Variants in PPP5C observed in about 807,000 individuals in gnomAD.
PPP5C encodes serine/threonine-protein phosphatase 5.
Under a neutral mutation model 66.7 loss-of-function variants are expected in PPP5C, and 21 were observed. That is an observed-to-expected ratio of 0.31 (90% CI 0.22 to 0.45). The LOEUF (loss-of-function observed/expected upper bound fraction) is 0.45. Ranked by LOEUF, PPP5C falls within the 20% of genes least tolerant of loss-of-function variation. PPP5C has a pLI of 1.00. For synonymous variants in PPP5C, 246 were observed against 257.4 expected (o/e 0.96, Z 0.43); for missense variants, 464 against 675.9 (o/e 0.69, Z 3.48).
chr19:46,357,187 A>G (rs143266825), intron 2 of PPP5C, among the ~76,000 whole-genome samples: 2 of 152,328 alleles, frequency 1.3e-5, no homozygotes, highest in Non-Finnish European at 2.9e-5. Flanking sequence ...AGCTGGGACT[A>G]CAGGCGTGTG....
At chr19:46,354,184 C>T (rs1972243902) in intron 2 of PPP5C, among the ~76,000 whole-genome samples, 195 bp downstream of exon 2, 1 of 152,262 alleles carries the variant, frequency 6.6e-6, no homozygotes, top group African/African-American at 2.4e-5. Flanking sequence ...TTTTGTGACC[C>T]TGAGCCAGTT....
intron 4 of PPP5C, among the ~76,000 whole-genome samples, chr19:46,377,462 T>TA (rs1287094520): frequency 1.3e-5 from 2 of 152,206 alleles, no homozygotes; most frequent in Admixed American, 6.5e-5. Flanking sequence ...ATCATGTTGT[T>TA]AAAGGTGAGA....
chr19:46,383,872 C>T lies in PPP5C; in HGVS notation c.792C>T (p.Asn264=). The change falls in exon 6 of 13, where the codon AAC becomes AAT. Residue 264 remains asparagine, a synonymous_variant. Transcript: ENST00000012443. The surrounding 1 kb of genome is among the most constrained non-coding windows in gnomAD (Gnocchi z 5.0). The stretch of plus-strand genomic sequence containing the variant: ...TCAACGGTTTACCCTCGGAGACCAA[C>T]CCCTATGTATCCTTCTCAGCAGAGC... The part of the protein sequence containing the change: ...FELNGLPSET[N]PYIFNGDFVD... 6.2e-7 allele frequency: 1 copy of T among 1,610,680 alleles called. No homozygotes were observed. The highest frequency in any genetic ancestry group is 8.5e-7 in the Non-Finnish European group (1 of 1,176,854).
intron 4 of PPP5C, chr19:46,382,524 G>C (rs2147397990): frequency 6.6e-6 from 1 of 152,476 alleles, no homozygotes; most frequent in Non-Finnish European, 1.5e-5. Context: ...CCTACAGAGA[G>C]CTGAAAGAAC....
In PPP5C at chr19:46,375,742, G is replaced by C; in HGVS notation, c.502G>C (p.Glu168Gln). 3 of 1,598,926 alleles carry C rather than the reference G, an allele frequency of 1.9e-6. No homozygotes were observed. Among genetic ancestry groups the C allele is most frequent in the Non-Finnish European group, 2.6e-6 (3 of 1,172,546 alleles). The change falls in exon 3 of 13, where the codon GAG becomes CAG. Residue 168 changes from glutamate to glutamine, a missense_variant. By Grantham distance (29) the Glu-to-Gln change is conservative. This residue lies in a region of PPP5C where 387 missense variants were observed against 626.0 expected (regional missense o/e 0.62). Coordinates refer to ENST00000012443, the MANE Select transcript of PPP5C (RefSeq NM_006247.4). Reference sequence around the variant, plus strand: ...CTCCGTGGTGGACTCGCTGGACATCGAGAGCATGAGTGAGTCAGGCCTGGA... The same window carrying C: ...CTCCGTGGTGGACTCGCTGGACATCCAGAGCATGAGTGAGTCAGGCCTGGA... ...KRSVVDSLDI[E>Q]SMTIEDEYSG...
chr19:46,383,877 A>G lies in PPP5C; in HGVS notation c.797A>G (p.Tyr266Cys). Reference sequence around the variant, plus strand: ...GGTTTACCCTCGGAGACCAACCCCTATGTATCCTTCTCAGCAGAGCCACCC... The same window carrying G: ...GGTTTACCCTCGGAGACCAACCCCTGTGTATCCTTCTCAGCAGAGCCACCC... Reference protein sequence around the residue: ...LNGLPSETNPYIFNGDFVDRG... With the variant: ...LNGLPSETNPCIFNGDFVDRG... Residue 266 changes from tyrosine to cysteine, a missense_variant and splice_region_variant, in exon 6 of 13, where the codon TAT (tyrosine) becomes TGT (cysteine). Transcript: ENST00000012443. This position sits in a 1 kb window ranked among gnomAD's most constrained non-coding sequence, Gnocchi z 5.0. 5 of 1,607,894 alleles carry G rather than the reference A, an allele frequency of 3.1e-6. No homozygotes were observed. Among genetic ancestry groups the G allele is most frequent in the Non-Finnish European group, 4.3e-6 (5 of 1,174,688 alleles).
rs780928951 is a variant in PPP5C at position 46,375,721 on chromosome 19, G to A, written c.481G>A (p.Val161Met). ...AIAGDEHKRS[V>M]VDSLDIESMT... ...CGCGGGCGACGAGCACAAGCGCTCC[G>A]TGGTGGACTCGCTGGACATCGAGAG... is the stretch of plus-strand genomic sequence containing the variant. Residue 161 changes from valine (V) to methionine (M), a missense_variant, in exon 3 of 13, where the codon GTG becomes ATG. By Grantham distance (21) the Val-to-Met change is conservative (BLOSUM62 1). Around this residue, in one of 2 missense-constraint regions of PPP5C, gnomAD observed 387 missense variants for 626.0 expected, o/e 0.62. Coordinates refer to ENST00000012443, the MANE Select transcript of PPP5C (RefSeq NM_006247.4). 1.9e-5 allele frequency: 30 copies of A among 1,608,708 alleles called. No individual in the cohort carries two copies. The highest frequency in any genetic ancestry group is 1.7e-4 in the Middle Eastern group (1 of 6,050).
intron 1 of PPP5C, among the ~76,000 whole-genome samples, chr19:46,349,238 G>A (rs1972140004): frequency 6.6e-6 from 1 of 151,908 alleles, no homozygotes; most frequent in African/African-American, 2.4e-5. Context: ...AGGCTGCAGT[G>A]AGCCAAGATC....
Position 46,353,928 on chromosome 19 carries a change from G to A in PPP5C, c.302G>A (p.Arg101His). ...AAGAAGTACATCAAGGGTTATTACC[G>A]CCGGGCTGCCAGCAACATGGCACTG... ...LDKKYIKGYYRRAASNMALGK... is the reference protein window; with the variant it reads ...LDKKYIKGYYHRAASNMALGK... The change falls in exon 2 of 13, where the codon CGC (arginine) becomes CAC (histidine). Residue 101 changes from arginine to histidine, a missense_variant. Arg to His is a conservative substitution (Grantham distance 29). This residue lies in a region of PPP5C where 387 missense variants were observed against 626.0 expected (regional missense o/e 0.62). Transcript: ENST00000012443. 1 of 1,605,922 alleles carries A rather than the reference G, an allele frequency of 6.2e-7. No individual in the cohort carries two copies. Among genetic ancestry groups the A allele is most frequent in the South Asian group, 1.1e-5 (1 of 89,642 alleles).
chr19:46,354,958 C>A (rs907952771), intron 2 of PPP5C, among the ~76,000 whole-genome samples: 2 of 152,246 alleles, frequency 1.3e-5, no homozygotes, highest in African/African-American at 4.8e-5. Context: ...AGCGAGCACA[C>A]ACCTTCACAC....
Position 46,390,272 on chromosome 19 carries a change from C to T in PPP5C, c.1438-12C>T, listed in dbSNP as rs1219239740. ...CTGACTTCTGTCCATCCCACCTGCC[C>T]TGGTCCCACAGCCTCATCCCAACGT... is the stretch of plus-strand genomic sequence containing the variant. On this transcript the variant is annotated splice_polypyrimidine_tract_variant and intron_variant, in intron 12 of 12. Transcript: ENST00000012443. 3 of 1,593,358 alleles carry T rather than the reference C, an allele frequency of 1.9e-6. No individual in the cohort carries two copies. The highest frequency in any genetic ancestry group is 3.6e-5 in the Admixed American group (2 of 56,142).
Position 46,352,547 on chromosome 19 carries a change from G to A in PPP5C, c.122-1201G>A, listed in dbSNP as rs182575966. 5.5e-4 allele frequency among the ~76,000 whole-genome samples: 83 copies of A among 151,892 alleles called. 1 individual carries two copies. The highest frequency in any genetic ancestry group is 1.8e-3 in the African/African-American group (73 of 41,432). On this transcript the variant is annotated intron_variant, in intron 1 of 12. Transcript: ENST00000012443. ...CAGAAGGCCCACTTCTCGGCCAGGC[G>A]CTGTGGCTCACGCCTGTAATCCCAG...
At chr19:46,361,690 G>A (rs1276124620) in intron 2 of PPP5C, among the ~76,000 whole-genome samples, 1 of 150,554 alleles carries the variant, frequency 6.6e-6, no homozygotes, top group African/African-American at 2.4e-5. Context: ...ACTTGAATCC[G>A]GGAGGTGGAG....
chr19:46,347,796 G>T (rs1387108660), intron 1 of PPP5C, among the ~76,000 whole-genome samples: 1 of 152,000 alleles, frequency 6.6e-6, no homozygotes, highest in Non-Finnish European at 1.5e-5. Flanking sequence ...CAAGTGTGGG[G>T]CACCCATTCA....
intron 2 of PPP5C, among the ~76,000 whole-genome samples, chr19:46,358,409 C>T (rs770243803): frequency 3.9e-5 from 6 of 152,300 alleles, no homozygotes; most frequent in East Asian, 3.9e-4. Context: ...ATGGCTCCCC[C>T]CTTTCAGGCA....
At chr19:46,357,131 T>A (rs1384633582) in intron 2 of PPP5C, among the ~76,000 whole-genome samples, 1 of 152,220 alleles carries the variant, frequency 6.6e-6, no homozygotes, top group African/African-American at 2.4e-5. Flanking sequence ...CACTGCAACC[T>A]CTGCCTCTTG....
chr19:46,389,166 A>C (rs1439049336), intron 11 of PPP5C, among the ~76,000 whole-genome samples: 3 of 152,070 alleles, frequency 2.0e-5, no homozygotes. Context: ...TCTACTAAAA[A>C]TACAAAAATT....
At chr19:46,382,515 C>A (rs1972810396) in intron 4 of PPP5C, 1 of 152,298 alleles carries the variant, frequency 6.6e-6, no homozygotes, top group African/African-American at 2.4e-5. Flanking sequence ...ATCGTCAGAC[C>A]TACAGAGAGC....
intron 6 of PPP5C, 34 bp from the exon 7 acceptor site, chr19:46,384,770 C>T (rs996219292): frequency 1.6e-5 from 25 of 1,549,504 alleles, no homozygotes; most frequent in Non-Finnish European, 2.1e-5. Flanking sequence ...CACCCTTCCC[C>T]TCCACGCTTG....
Sources: gnomAD v4.1 joint callset for allele counts (sites outside exome capture counted in the v4.1 genomes callset) on GRCh38, gnomAD v4.1.1 for gene constraint, gnomAD v4.1.1 regional missense constraint, Gnocchi (gnomAD v3.1) non-coding constraint, MANE v1.5 for transcripts, NCBI Gene and HGNC (gene_info 2026-07-23, HGNC 2026-07-21) for gene names.